Variants in PLCE1 observed in about 807,000 individuals in gnomAD.
PLCE1 encodes the protein phospholipase C epsilon 1.
PLCE1 carries 119 observed loss-of-function variants against 242.8 expected under a neutral mutation model. The observed-to-expected ratio is 0.49, with a 90% CI of 0.42 to 0.57. The LOEUF (loss-of-function observed/expected upper bound fraction) is 0.57, where lower values mean the gene tolerates loss of function less well. PLCE1 is among the 20% of genes least tolerant of loss of function. The pLI is 0.00. For synonymous variants in PLCE1, 945 were observed against 1,017.4 expected (o/e 0.93, Z 1.35); for missense variants, 2,441 against 2,788.8 (o/e 0.88, Z 2.81).
rs1169306280 is a variant in PLCE1, at chr10:94,331,041, T to C, written c.*3098T>C. The C allele has an allele frequency of 1.3e-5, 2 of 152,226 alleles. No individual in the cohort carries two copies. The highest frequency in any genetic ancestry group is 2.9e-5 in the Non-Finnish European group (2 of 68,038). 9.4% of individuals were successfully genotyped at this position (152,226 alleles called of 1,614,324 possible). A position where few individuals can be genotyped will look rare whatever the true frequency, so the allele number is the denominator to read the frequency against. On this transcript the variant is annotated 3_prime_UTR_variant, in exon 33 of 33. Coordinates refer to ENST00000371380, the MANE Select transcript of PLCE1 (RefSeq NM_016341.4). ...TCACTCTATTCAGTGATGCCAAATCTGTAGGAATGATCCTATCTGGGTAGA... is the reference window on the plus strand; with the variant it reads ...TCACTCTATTCAGTGATGCCAAATCCGTAGGAATGATCCTATCTGGGTAGA...
At chr10:94,317,584 G>T (rs143992125) in intron 29 of PLCE1, among the ~76,000 whole-genome samples, 516 of 152,210 alleles carry the variant, frequency 3.4e-3, no homozygotes, top group African/African-American at 0.012. Context: ...TACAAAGTAA[G>T]AATAATATCT....
chr10:94,140,265 C>A (rs1318171143), intron 3 of PLCE1, among the ~76,000 whole-genome samples: 1 of 151,736 alleles, frequency 6.6e-6, no homozygotes, highest in Admixed American at 6.6e-5. Flanking sequence ...TATTTTATTT[C>A]AGATAGAAAA....
chr10:94,001,114 G>A (rs1006733960), intron 1 of PLCE1, among the ~76,000 whole-genome samples: 3 of 152,190 alleles, frequency 2.0e-5, no homozygotes, highest in African/African-American at 7.2e-5. Context: ...GAAGCAGTGA[G>A]TACAGGGCTA....
chr10:94,092,538 C>G (rs897990111), intron 2 of PLCE1, among the ~76,000 whole-genome samples: 9 of 151,898 alleles, frequency 5.9e-5, no homozygotes, highest in African/African-American at 2.2e-4. Flanking sequence ...ACCAGAGAAA[C>G]CCACCTAGAA....
intron 3 of PLCE1, among the ~76,000 whole-genome samples, chr10:94,168,568 C>G (rs1009837598): frequency 3.3e-5 from 5 of 152,080 alleles, no homozygotes; most frequent in African/African-American, 1.2e-4. Context: ...TCTTTTTATT[C>G]TTTAATTTAT....
At chr10:94,225,815 A>G (rs562408087) in intron 4 of PLCE1, among the ~76,000 whole-genome samples, 4 of 152,346 alleles carry the variant, frequency 2.6e-5, no homozygotes, top group South Asian at 2.1e-4. Context: ...CCAGCACTCA[A>G]TGCCATTAAT....
intron 4 of PLCE1, among the ~76,000 whole-genome samples, chr10:94,219,078 C>T (rs1368697117): frequency 1.3e-5 from 2 of 151,204 alleles, no homozygotes; most frequent in East Asian, 1.9e-4. Flanking sequence ...TAATTACTTG[C>T]TTATGTTATT....
At chr10:94,324,312 T>C in intron 30 of PLCE1, 37 bp from the exon 31 acceptor site, 2 of 1,502,900 alleles carry the variant, frequency 1.3e-6, no homozygotes, top group South Asian at 2.3e-5. Flanking sequence ...TTGGAGATTC[T>C]GTGTCTTTAT....
chr10:94,285,511 A>G (rs954607859), intron 22 of PLCE1, among the ~76,000 whole-genome samples: 4 of 152,186 alleles, frequency 2.6e-5, no homozygotes, highest in Non-Finnish European at 1.5e-5. Context: ...ACCAAGGTAC[A>G]TGCTTTCTCT....
chr10:94,129,605 A>G (rs796382938), intron 2 of PLCE1, among the ~76,000 whole-genome samples: 26 of 152,354 alleles, frequency 1.7e-4, no homozygotes, highest in African/African-American at 6.3e-4. Context: ...TGCACATGGT[A>G]GTGAGCAAAT....
chr10:94,103,069 A>C (rs1304833775), intron 2 of PLCE1, among the ~76,000 whole-genome samples: 3 of 152,208 alleles, frequency 2.0e-5, no homozygotes, highest in Non-Finnish European at 2.9e-5. Context: ...CAATCTAAAG[A>C]TAGATATACC....
chr10:94,321,634 A>C (rs1474952308), intron 29 of PLCE1, among the ~76,000 whole-genome samples: 1 of 151,958 alleles, frequency 6.6e-6, no homozygotes, highest in Non-Finnish European at 1.5e-5. Flanking sequence ...TCTCAGAAAA[A>C]AAAAAAAAAA....
At chr10:94,141,610 A>AG (rs2046965832) in intron 3 of PLCE1, among the ~76,000 whole-genome samples, 1 of 1,404 alleles carries the variant, frequency 7.1e-4, no homozygotes, top group Non-Finnish European at 2.3e-3. Flanking sequence ...GGCAAAGGGA[A>AG]GGAGAAAGGA....
At chr10:94,126,557 T>C (rs1477626514) in intron 2 of PLCE1, among the ~76,000 whole-genome samples, 1 of 152,216 alleles carries the variant, frequency 6.6e-6, no homozygotes, top group Non-Finnish European at 1.5e-5. Flanking sequence ...AAATCACTTG[T>C]TGAGTAAATG....
At chr10:94,180,251 A>G (rs1224765648) in intron 4 of PLCE1, among the ~76,000 whole-genome samples, 21 of 152,180 alleles carry the variant, frequency 1.4e-4, no homozygotes, top group Non-Finnish European at 1.5e-5. Flanking sequence ...TTATGATTTC[A>G]ATATGTGTAA....
At chr10:94,236,479 T>A (rs1225840085) in intron 7 of PLCE1, among the ~76,000 whole-genome samples, 1 of 152,198 alleles carries the variant, frequency 6.6e-6, no homozygotes, top group Admixed American at 6.5e-5. Flanking sequence ...GTGGTTTTTT[T>A]AATTCTTGGG....
intron 2 of PLCE1, among the ~76,000 whole-genome samples, chr10:94,075,030 C>A (rs902440879): frequency 1.3e-5 from 2 of 152,120 alleles, no homozygotes. Context: ...TTGTGGATTC[C>A]TTTCTCTGCC....
At chr10:94,218,891 T>C (rs943157783) in intron 4 of PLCE1, among the ~76,000 whole-genome samples, 57 of 82,174 alleles carry the variant, frequency 6.9e-4, no homozygotes, top group Non-Finnish European at 1.2e-3. Flanking sequence ...ATAATAATTT[T>C]ATATATAATT....
At position 94,223,233 on chromosome 10, in the gene PLCE1, C is replaced by CAA. The variant is rs60764243; in HGVS notation, c.1810-4055_1810-4054dup. On this transcript the variant is annotated intron_variant, in intron 4 of 32. Transcript: ENST00000371380. ...GCAACATAGTGATACTCCATCTCTA[C>CAA]AAAAAAAAAAAAAAAAAAATTGAAT... 7.7e-5 allele frequency among the ~76,000 whole-genome samples: 7 copies of CAA among 90,874 alleles called. 1 individual carries two copies. The highest frequency in any genetic ancestry group is 1.2e-4 in the Non-Finnish European group (6 of 49,740). The allele number at this position is 90,874 out of a possible 152,430, so 59.6% of individuals were successfully genotyped here.
Sources: allele counts gnomAD v4.1 joint callset (sites outside exome capture counted in the v4.1 genomes callset), GRCh38; gene constraint gnomAD v4.1.1; transcripts MANE v1.5; gene names NCBI Gene and HGNC (gene_info 2026-07-23, HGNC 2026-07-21).